KLC4: variants seen among roughly 807,000 people sequenced by gnomAD.
KLC4 encodes the protein kinesin light chain 4, also known as kinesin-like protein 8.
In KLC4, 49 loss-of-function variants were observed where a neutral mutation model predicts 77.2. That is an observed-to-expected ratio of 0.63 (90% CI 0.50 to 0.80). The LOEUF (loss-of-function observed/expected upper bound fraction) is 0.80. Ranked by LOEUF, KLC4 falls within the 30% of genes least tolerant of loss-of-function variation. The probability of loss-of-function intolerance (pLI) is 0.00; values close to 1 mark genes in which losing one functional copy is unlikely to be tolerated. For missense variants in KLC4, 669 were observed against 793.5 expected (o/e 0.84, Z 1.89); for synonymous variants, 274 against 314.5 (o/e 0.87, Z 1.36).
chr6:43,074,701 G>T lies in KLC4; in HGVS notation c.*29G>T. The T allele has an allele frequency of 6.3e-7, 1 of 1,598,516 alleles. No homozygotes were observed. The highest frequency in any genetic ancestry group is 8.6e-7 in the Non-Finnish European group (1 of 1,165,808). On this transcript the variant is annotated 3_prime_UTR_variant, in exon 16 of 16. Coordinates refer to ENST00000347162, the MANE Select transcript of KLC4 (RefSeq NM_201521.3). ...TCAACCCGGCCCCCAGGTCTGCTGG[G>T]TCCCCCCACCCCCACAGCCCTCACA... is the stretch of plus-strand genomic sequence containing the variant.
At chr6:43,073,589 G>A (rs1199655141) in intron 14 of KLC4, 1 of 535,402 alleles carries the variant, frequency 1.9e-6, no homozygotes, top group Non-Finnish European at 3.3e-6. Context: ...AGAGGTTGCA[G>A]GGAGCCAAGA....
chr6:43,071,966 A>G (rs1338317573), intron 11 of KLC4, 44 bp downstream of exon 11: 8 of 1,566,076 alleles, frequency 5.1e-6, no homozygotes, highest in South Asian at 2.3e-5. Flanking sequence ...GATGCCCTCC[A>G]TCCAGTCCCT....
chr6:43,066,612 G>C, intron 5 of KLC4, 87 bp downstream of exon 5: 3 of 1,206,258 alleles, frequency 2.5e-6, no homozygotes, highest in Non-Finnish European at 3.6e-6. Context: ...CTCTTTACAG[G>C]GTACCTCTCC....
At chr6:43,067,414 A>G (rs1765493241) in intron 6 of KLC4, 3 of 370,746 alleles carry the variant, frequency 8.1e-6, no homozygotes, top group South Asian at 8.2e-5. Context: ...TGTAAGGACA[A>G]TATATACAAT....
At position 43,062,928 on chromosome 6, in the gene KLC4, T is replaced by A. The variant is rs759316532; in HGVS notation, c.270T>A (p.Ala90=). Residue 90 remains alanine, a synonymous_variant, in exon 3 of 16, where the codon GCT becomes GCA. Transcript: ENST00000347162. ...LGLSEAQVML[A]LASHLSTVES... ...ATGTGCCCACCTAGGTGATGCTGGC[T>A]CTAGCCAGCCACCTGAGCACAGTGG... 3.1e-6 allele frequency: 5 copies of A among 1,614,102 alleles called. No individual in the cohort carries two copies. The highest frequency in any genetic ancestry group is 4.2e-6 in the Non-Finnish European group (5 of 1,179,976).
chr6:43,066,506 A>G lies in KLC4; in HGVS notation c.772A>G (p.Ile258Val), dbSNP rs1202821946. Residue 258 changes from isoleucine (I) to valine (V), a missense_variant, in exon 5 of 16, where the codon ATC becomes GTC. By Grantham distance (29) the Ile-to-Val change is conservative. Coordinates refer to ENST00000347162, the MANE Select transcript of KLC4 (RefSeq NM_201521.3). ...CCCTGATGTCGCCACCATGCTCAAC[A>G]TCCTTGCTTTGGTGTATCGGTGAGG... ...GHPDVATMLN[I>V]LALVYRDQNK... 1.1e-5 allele frequency: 17 copies of G among 1,613,122 alleles called. No individual in the cohort carries two copies. Among genetic ancestry groups the G allele is most frequent in the Non-Finnish European group, 1.4e-5 (17 of 1,179,454 alleles).
At chr6:43,066,263 G>A (rs753970720) in intron 4 of KLC4, 43 bp from the exon 5 acceptor site, 1 of 1,534,858 alleles carries the variant, frequency 6.5e-7, no homozygotes, top group East Asian at 2.3e-5. Flanking sequence ...AGACAGCAAA[G>A]GGGAGAGGAA....
intron 13 of KLC4, 92 bp downstream of exon 13, chr6:43,073,056 G>A: frequency 1.4e-6 from 2 of 1,478,450 alleles, no homozygotes; most frequent in Non-Finnish European, 1.8e-6. Context: ...TCTAGGTAGT[G>A]TATTCCTTCA....
intron 1 of KLC4, 169 bp downstream of exon 1, chr6:43,059,854 G>A (rs1259264410): frequency 2.2e-5 from 26 of 1,192,136 alleles, no homozygotes; most frequent in Admixed American, 1.7e-4. Context: ...CAGACAGATA[G>A]ACAGACGACC....
intron 3 of KLC4, 124 bp from the exon 4 acceptor site, chr6:43,065,496 G>C: frequency 1.6e-6 from 1 of 636,022 alleles, no homozygotes; most frequent in Non-Finnish European, 2.8e-6. Context: ...TCCAGGGGCA[G>C]AGACAGGAAC....
intron 15 of KLC4, 36 bp downstream of exon 15, chr6:43,074,001 G>A (rs1181826845): frequency 6.5e-7 from 1 of 1,530,778 alleles, no homozygotes; most frequent in Admixed American, 1.9e-5. Context: ...TGGTGGGTGA[G>A]GAAAAAAGGA....
At chr6:43,070,889 GTGGAAGAAAC>G in intron 8 of KLC4, 24 bp downstream of exon 8, 1 of 1,197,148 alleles carries the variant, frequency 8.4e-7, no homozygotes, top group Non-Finnish European at 1.1e-6. Context: ...GACAAAGTAG[GTGGAAGAAAC>G]GGAGAGGGGG....
chr6:43,072,895 G>C lies in KLC4; in HGVS notation c.1560G>C (p.Gln520His). The change falls in exon 13 of 16, where the codon CAG becomes CAC. Residue 520 changes from glutamine (Q) to histidine (H), a missense_variant. Gln to His is a conservative substitution (Grantham distance 24). Coordinates refer to ENST00000347162, the MANE Select transcript of KLC4 (RefSeq NM_201521.3). ...LGESDGRRTS[Q>H]EGPGDSVKFE... The stretch of plus-strand genomic sequence containing the variant: ...AGAGTGATGGTAGAAGGACCTCCCA[G>C]GAGGGCCCTGGAGACAGTGTGAAAT... The C allele has an allele frequency of 1.2e-6, 2 of 1,611,796 alleles. No individual in the cohort carries two copies. The highest frequency in any genetic ancestry group is 1.7e-6 in the Non-Finnish European group (2 of 1,179,200).
intron 15 of KLC4, 32 bp downstream of exon 15, chr6:43,073,997 G>C: frequency 6.4e-7 from 1 of 1,559,558 alleles, no homozygotes; most frequent in East Asian, 2.3e-5. Context: ...ATATTGGTGG[G>C]TGAGGAAAAA....
At position 43,067,136 on chromosome 6, in the gene KLC4, G is replaced by A. The variant is rs756489184; in HGVS notation, c.879+53G>A. On this transcript the variant is annotated intron_variant, in intron 6 of 15. Transcript: ENST00000347162. Reference sequence around the variant, plus strand: ...ACGCCCCGCACCCCCCACCATTGCTGTTTTGGCCTCTCTTAGCTCATCCAT... The same window carrying A: ...ACGCCCCGCACCCCCCACCATTGCTATTTTGGCCTCTCTTAGCTCATCCAT... 3.8e-6 allele frequency: 6 copies of A among 1,595,738 alleles called. No homozygotes were observed. The South Asian group carries it at 6.8e-5, about 18-fold the overall frequency.
intron 1 of KLC4, chr6:43,060,286 T>C (rs1765075227): frequency 6.2e-7 from 1 of 1,613,662 alleles, no homozygotes; most frequent in Non-Finnish European, 8.5e-7. Context: ...TGTAGGTCTC[T>C]GGTTAAGTCT....
At position 43,067,034 on chromosome 6, in the gene KLC4, A is replaced by G. The variant is rs1765468411; in HGVS notation, c.830A>G (p.Asn277Ser). 1 of 1,613,946 alleles carries G rather than the reference A, an allele frequency of 6.2e-7. No individual in the cohort carries two copies. The highest frequency in any genetic ancestry group is 1.3e-5 in the African/African-American group (1 of 74,918). The change falls in exon 6 of 16, where the codon AAT becomes AGT. Residue 277 changes from asparagine to serine, a missense_variant. Physicochemically the swap from Asn to Ser is conservative, Grantham distance 46. Coordinates refer to ENST00000347162, the MANE Select transcript of KLC4 (RefSeq NM_201521.3). ...NKYKEAAHLL[N>S]DALSIRESTL... ...TATAAGGAAGCTGCCCACCTGCTGA[A>G]TGATGCCCTTAGCATCCGGGAGAGC...
rs369814395 is a variant in KLC4, at chr6:43,061,382, G to A, written c.47G>A (p.Arg16Gln). The A allele has an allele frequency of 3.5e-5, 57 of 1,613,762 alleles. No individual in the cohort carries two copies. Among genetic ancestry groups the A allele is most frequent in the Middle Eastern group, 3.3e-4 (2 of 6,084 alleles). The stretch of plus-strand genomic sequence containing the variant: ...CAGCGGGATGAGCCTGCAGGCCACC[G>A]GCTCAGCCAAGAGGAGATCCTGGGG... ...LGQRDEPAGH[R>Q]LSQEEILGST... Residue 16 changes from arginine to glutamine, a missense_variant, in exon 2 of 16, where the codon CGG becomes CAG. Coordinates refer to ENST00000347162, the MANE Select transcript of KLC4 (RefSeq NM_201521.3).
intron 3 of KLC4, among the ~76,000 whole-genome samples, chr6:43,063,424 A>G (rs931405685): frequency 4.6e-5 from 7 of 152,168 alleles, no homozygotes; most frequent in African/African-American, 1.4e-4. Context: ...CTGCTCTCAC[A>G]ATTACAAGCT....
Sources: gnomAD v4.1 joint callset for allele counts (sites outside exome capture counted in the v4.1 genomes callset) on GRCh38, gnomAD v4.1.1 for gene constraint, MANE v1.5 for transcripts, NCBI Gene and HGNC (gene_info 2026-07-23, HGNC 2026-07-21) for gene names.